Variants in MYH2 observed in about 807,000 individuals in gnomAD.
The protein encoded by MYH2 is myosin heavy chain 2.
A neutral mutation model predicts 228.1 loss-of-function variants in MYH2; 139 were observed. That is an observed-to-expected ratio of 0.61 (90% CI 0.53 to 0.70). The LOEUF (loss-of-function observed/expected upper bound fraction) is 0.70, where lower values mean the gene tolerates loss of function less well. Among genes scored for constraint, MYH2 ranks in the 30% least tolerant of loss-of-function variants. The pLI, the probability that MYH2 is intolerant of heterozygous loss-of-function variation, is 0.00. For missense variants in MYH2, 1,809 were observed against 2,357.5 expected, an observed-to-expected ratio of 0.77 and a Z score of 4.82; for synonymous variants, 796 against 871.1, an observed-to-expected ratio of 0.91 and a Z score of 1.52.
chr17:10,535,420 G>T, intron 17 of MYH2, 55 bp from the exon 18 acceptor site: 1 of 1,404,390 alleles, frequency 7.1e-7, no homozygotes, highest in South Asian at 1.2e-5. Context: ...GATATGAGCA[G>T]TCATTGGTGT....
intron 21 of MYH2, among the ~76,000 whole-genome samples, chr17:10,532,914 C>T (rs1264749310): frequency 6.6e-6 from 1 of 152,170 alleles, no homozygotes; most frequent in Non-Finnish European, 1.5e-5. Flanking sequence ...GTCTCTACAG[C>T]CTGTGTAAAA....
In MYH2 at chr17:10,533,419, G is replaced by A; in HGVS notation, c.2307C>T (p.Val769=). The A allele has an allele frequency of 6.2e-7, 1 of 1,614,108 alleles. No individual in the cohort carries two copies. ...HTQYKFGHTK[V]FFKAGLLGLL... ...GCCCCAGAAGACCAGCTTTGAAAAA[G>A]ACCTGTGAATGGAAAGAGTTGCAAA... The change falls in exon 21 of 40, where the codon GTC becomes GTT. Residue 769 remains valine, a splice_region_variant and synonymous_variant. Transcript: ENST00000245503.
At chr17:10,526,147 C>T (rs538543064) in intron 30 of MYH2, among the ~76,000 whole-genome samples, 1 of 152,160 alleles carries the variant, frequency 6.6e-6, no homozygotes, top group African/African-American at 2.4e-5. Context: ...TAATACCTTA[C>T]AGATACAAGT....
Position 10,544,094 on chromosome 17 carries a change from A to C in MYH2, c.533+6T>G, listed in dbSNP as rs545924178. ...GCCATGTAAAGAAAGCATAAAATCT[A>C]CTTACGTGATCAGGATTGACTGATT... On this transcript the variant is annotated splice_donor_region_variant and intron_variant, in intron 6 of 39. Transcript: ENST00000245503. 137 of 1,614,160 alleles carry C rather than the reference A, an allele frequency of 8.5e-5. No individual in the cohort carries two copies. In the South Asian group the frequency reaches 1.1e-3, roughly 12 times the overall value.
chr17:10,529,609 G>A lies in MYH2; in HGVS notation c.3072C>T (p.Asn1024=). Residue 1024 remains asparagine, a synonymous_variant, in exon 24 of 40, where the codon AAC becomes AAT. Transcript: ENST00000245503. ...DDLQAEEDKV[N]TLTKAKIKLE... is the part of the protein sequence containing the mutation. Reference sequence around the variant, plus strand: ...GTTTGATTTTAGCTTTGGTCAGGGTGTTGACTTTGTCCTCCTCTGCCTGCA... The same window carrying A: ...GTTTGATTTTAGCTTTGGTCAGGGTATTGACTTTGTCCTCCTCTGCCTGCA... 1 of 1,614,146 alleles carries A rather than the reference G, an allele frequency of 6.2e-7. No individual in the cohort carries two copies. The highest frequency in any genetic ancestry group is 8.5e-7 in the Non-Finnish European group (1 of 1,180,036).
chr17:10,541,846 TG>T (rs1392078334), intron 10 of MYH2, among the ~76,000 whole-genome samples: 1 of 152,212 alleles, frequency 6.6e-6, no homozygotes, highest in Non-Finnish European at 1.5e-5. Flanking sequence ...ATTGAATTAT[TG>T]GGGGTGGGTT....
In MYH2 at chr17:10,531,728, C is replaced by T. The variant is rs267604724; in HGVS notation, c.2602G>A (p.Glu868Lys). Residue 868 changes from glutamate (E) to lysine (K), a missense_variant, in exon 22 of 40, where the codon GAA becomes AAA. Physicochemically the swap from Glu to Lys is moderately conservative, Grantham distance 56. Transcript: ENST00000245503. ...CTTTTTGCCTCTGACTTGGCAAGTT[C>T]GTCTTTAATTTTCTGAAATTCTTCC... ...MKEEFQKIKD[E>K]LAKSEAKRKE... 8 of 1,614,016 alleles carry T rather than the reference C, an allele frequency of 5.0e-6. No homozygotes were observed. The highest frequency in any genetic ancestry group is 1.3e-5 in the African/African-American group (1 of 74,896).
In MYH2 at chr17:10,529,764, T is replaced by G. The variant is rs746793075; in HGVS notation, c.2941-24A>C. 4 of 1,613,972 alleles carry G rather than the reference T, an allele frequency of 2.5e-6. No homozygotes were observed. In the African/African-American group the frequency reaches 5.3e-5, roughly 22 times the overall value. ...ACCTACAAAGGTGAAGAAAGCAGTT[T>G]AGTTGCTATAAAGCACCTTTGTTGG... On this transcript the variant is annotated intron_variant, in intron 23 of 39. Transcript: ENST00000245503.
At chr17:10,522,710 T>C (rs1283796807) in intron 39 of MYH2, among the ~76,000 whole-genome samples, 1 of 152,126 alleles carries the variant, frequency 6.6e-6, no homozygotes, top group Non-Finnish European at 1.5e-5. Context: ...ATTTTACTTA[T>C]AATTAATAAT....
At chr17:10,527,970 A>G in intron 27 of MYH2, 96 bp from the exon 28 acceptor site, 2 of 1,405,976 alleles carry the variant, frequency 1.4e-6, no homozygotes, top group Non-Finnish European at 2.0e-6. Flanking sequence ...AATAAAAAAT[A>G]CAATATTTAT....
intron 4 of MYH2, among the ~76,000 whole-genome samples, chr17:10,547,058 T>G (rs909023705): frequency 6.6e-6 from 1 of 152,120 alleles, no homozygotes; most frequent in Admixed American, 6.5e-5. Flanking sequence ...ACCACTGCAC[T>G]CCAGCCTGGG....
In MYH2 at chr17:10,533,310, C is replaced by T. The variant is rs1443622064; in HGVS notation, c.2416G>A (p.Glu806Lys). 6.2e-7 allele frequency: 1 copy of T among 1,614,174 alleles called. No homozygotes were observed. The highest frequency in any genetic ancestry group is 8.5e-7 in the Non-Finnish European group (1 of 1,180,022). The change falls in exon 21 of 40, where the codon GAG becomes AAG. Residue 806 changes from glutamate (E) to lysine (K), a missense_variant. By Grantham distance (56) the Glu-to-Lys change is moderately conservative. Around this residue, in one of 9 missense-constraint regions of MYH2, gnomAD observed 276 missense variants for 344.2 expected, o/e 0.80. Coordinates refer to ENST00000245503, the MANE Select transcript of MYH2 (RefSeq NM_017534.6). ...ARCRGFLARV[E>K]YQRMVERREA... ...CTTCTCTCCACCATCCTCTGGTACT[C>T]CACTCTTGCCAAGAACCCTCTGCAC...
In MYH2 at chr17:10,525,024, C is replaced by T; in HGVS notation, c.4704G>A (p.Gln1568=). The T allele has an allele frequency of 4.3e-6, 7 of 1,614,142 alleles. No homozygotes were observed. The highest frequency in any genetic ancestry group is 5.9e-6 in the Non-Finnish European group (7 of 1,180,034). Residue 1568 remains glutamine, a synonymous_variant, in exon 34 of 40, where the codon CAG becomes CAA. Transcript: ENST00000245503. The surrounding 1 kb of genome is among the most constrained non-coding windows in gnomAD (Gnocchi z 4.2). ...CAGACTTGACTTGGTTCAACTCAAG[C>T]TGGATGCGCAGGATCTTTCCCTCTT... The part of the protein sequence containing the change: ...EHEEGKILRI[Q]LELNQVKSEV...
Position 10,527,765 on chromosome 17 carries a change from C to T in MYH2, c.3854G>A (p.Arg1285His), listed in dbSNP as rs148326504. Residue 1285 changes from arginine to histidine, a missense_variant, in exon 28 of 40, where the codon CGC (arginine) becomes CAC (histidine). Physicochemically the swap from Arg to His is conservative, Grantham distance 29. Around this residue, in one of 9 missense-constraint regions of MYH2, gnomAD observed 636 missense variants for 729.9 expected, o/e 0.87. Transcript: ENST00000245503. ...AGAGTTACCAGATTCAGTCTGCAGG[C>T]GCCCCCTCTGCGCAGTCAGGTCATT... ...LINDLTAQRG[R>H]LQTESGEFSR... 6.3e-5 allele frequency: 101 copies of T among 1,613,982 alleles called. No individual in the cohort carries two copies. Among genetic ancestry groups the T allele is most frequent in the African/African-American group, 4.9e-4 (37 of 74,936 alleles).
intron 39 of MYH2, among the ~76,000 whole-genome samples, chr17:10,522,855 G>A (rs927134418): frequency 3.0e-4 from 46 of 151,744 alleles, no homozygotes; most frequent in Admixed American, 2.6e-3. Flanking sequence ...TACTGTGGCC[G>A]GAGAATATGG....
chr17:10,539,375 CT>C, intron 13 of MYH2, 21 bp from the exon 14 acceptor site: 2 of 1,614,170 alleles, frequency 1.2e-6, no homozygotes, highest in Non-Finnish European at 1.7e-6. Flanking sequence ...AAAATTATAA[CT>C]CTCGAAGTTA....
chr17:10,537,196 TA>T lies in MYH2; in HGVS notation c.1897+36del. 1 of 1,612,928 alleles carries T rather than the reference TA, an allele frequency of 6.2e-7. No homozygotes were observed. The highest frequency in any genetic ancestry group is 1.3e-5 in the African/African-American group (1 of 75,038). On this transcript the variant is annotated intron_variant, in intron 16 of 39. Coordinates refer to ENST00000245503, the MANE Select transcript of MYH2 (RefSeq NM_017534.6). The surrounding 1 kb of genome is among the most constrained non-coding windows in gnomAD (Gnocchi z 4.0). Reference sequence around the variant, plus strand: ...AGCTTCAATTTAACATCACATTTTGTAATACCTAGAGAGTATTATTAACATT... The same window carrying T: ...AGCTTCAATTTAACATCACATTTTGTATACCTAGAGAGTATTATTAACATT...
chr17:10,526,876 A>G (rs1244184859), intron 29 of MYH2, 62 bp downstream of exon 29: 1 of 1,613,492 alleles, frequency 6.2e-7, no homozygotes, highest in Admixed American at 1.7e-5. Flanking sequence ...GAAAGCTGGT[A>G]TAACAGGCTC....
chr17:10,537,875 T>A lies in MYH2; in HGVS notation c.1417-40A>T. 2 of 1,614,106 alleles carry A rather than the reference T, an allele frequency of 1.2e-6. No individual in the cohort carries two copies. The highest frequency in any genetic ancestry group is 1.7e-6 in the Non-Finnish European group (2 of 1,179,962). ...ATGTTTACTTCTCTCTTAAGCAAAT[T>A]GAGTATTTTTTAAAATACAGAACTT... On this transcript the variant is annotated intron_variant, in intron 14 of 39. Transcript: ENST00000245503. The surrounding 1 kb of genome is among the most constrained non-coding windows in gnomAD (Gnocchi z 4.0).
Sources: gnomAD v4.1 joint callset for allele counts (sites outside exome capture counted in the v4.1 genomes callset) on GRCh38, gnomAD v4.1.1 for gene constraint, gnomAD v4.1.1 regional missense constraint, Gnocchi (gnomAD v3.1) non-coding constraint, MANE v1.5 for transcripts, NCBI Gene and HGNC (gene_info 2026-07-23, HGNC 2026-07-21) for gene names.